The following DERPC variants were observed in gnomAD, a reference collection of about 807,000 sequenced individuals.
The protein encoded by DERPC is decreased expression in renal and prostate cancer protein.
DERPC carries 1 observed loss-of-function variant against 7.2 expected under a neutral mutation model. That is an observed-to-expected ratio of 0.14 (90% CI 0.05 to 0.66). DERPC has a LOEUF of 0.66. Ranked by LOEUF, DERPC falls within the 30% of genes least tolerant of loss-of-function variation. DERPC has a pLI of 0.84. For missense variants in DERPC, 502 were observed against 299.4 expected, an observed-to-expected ratio of 1.68 and a Z score of -4.99; for synonymous variants, 185 against 117.6, an observed-to-expected ratio of 1.57 and a Z score of -3.71.
Position 69,118,468 on chromosome 16 carries a change from T to C in DERPC, c.*386A>G. On this transcript the variant is annotated 3_prime_UTR_variant, in exon 3 of 3. Transcript: ENST00000519520. ...ACGTTTCTAGAGAGCAGTGAGCTGATTCTCCAATGGTGAGCAGGGGACTAC... is the reference window on the plus strand; with the variant it reads ...ACGTTTCTAGAGAGCAGTGAGCTGACTCTCCAATGGTGAGCAGGGGACTAC... 2 of 1,550,302 alleles carry C rather than the reference T, an allele frequency of 1.3e-6. No homozygotes were observed. The highest frequency in any genetic ancestry group is 1.1e-5 in the South Asian group (1 of 89,870).
intron 1 of DERPC, among the ~76,000 whole-genome samples, chr16:69,122,426 G>T (rs772772385): frequency 3.3e-5 from 5 of 150,266 alleles, no homozygotes; most frequent in Non-Finnish European, 5.9e-5. Context: ...AATCTGGAGC[G>T]CAGTGGCGCC....
At chr16:69,121,741 C>T (rs533951989) in intron 1 of DERPC, among the ~76,000 whole-genome samples, 16 of 150,988 alleles carry the variant, frequency 1.1e-4, no homozygotes, top group South Asian at 4.2e-4. Context: ...GATCTCAGCT[C>T]ACTGCAAGCT....
chr16:69,127,483 T>A (rs1022503381), intron 1 of DERPC, among the ~76,000 whole-genome samples: 1 of 152,068 alleles, frequency 6.6e-6, no homozygotes, highest in African/African-American at 2.4e-5. Flanking sequence ...TGTTCTAAGA[T>A]GGGGCTTGTT....
intron 1 of DERPC, among the ~76,000 whole-genome samples, chr16:69,121,976 T>G (rs12598101): frequency 6.6e-6 from 1 of 151,202 alleles, no homozygotes; most frequent in Admixed American, 6.6e-5. Context: ...GCCCTAGAGA[T>G]GGGGTTTCAC....
rs184266666 is a variant in DERPC at position 69,129,572 on chromosome 16, A to G, written c.-280+2912T>C. On this transcript the variant is annotated intron_variant, in intron 1 of 2. Coordinates refer to ENST00000519520, the MANE Select transcript of DERPC (RefSeq NM_001002847.4). ...TTTCACCCTGACACCCTATGCTTTT[A>G]GCAAGGTCTTCTCACTCCCATTTCA... Among the ~76,000 whole-genome samples, 174 of 152,230 alleles carry G rather than the reference A, an allele frequency of 1.1e-3. 1 individual carries two copies. Among genetic ancestry groups the G allele is most frequent in the Non-Finnish European group, 2.0e-3 (136 of 68,022 alleles).
At chr16:69,127,601 CTTTTTTTT>C (rs71383961) in intron 1 of DERPC, among the ~76,000 whole-genome samples, 7 of 104,392 alleles carry the variant, frequency 6.7e-5, no homozygotes, top group African/African-American at 1.5e-4. Context: ...CTCCCGGCAA[CTTTTTTTT>C]TTTTTTTTTT....
Position 69,118,802 on chromosome 16 carries a change from C to T in DERPC, c.*52G>A, listed in dbSNP as rs1381336054. 2 of 661,432 alleles carry T rather than the reference C, an allele frequency of 3.0e-6. No homozygotes were observed. The highest frequency in any genetic ancestry group is 1.8e-5 in the African/African-American group (1 of 55,984). 41.0% of individuals were successfully genotyped at this position (661,432 alleles called of 1,614,324 possible). ...ACCCTTTTACCTAAGACAGCCCCTGCCAAGAACCACAGTGCCTAGAAACCA... is the reference window on the plus strand; with the variant it reads ...ACCCTTTTACCTAAGACAGCCCCTGTCAAGAACCACAGTGCCTAGAAACCA... On this transcript the variant is annotated 3_prime_UTR_variant, in exon 3 of 3. Coordinates refer to ENST00000519520, the MANE Select transcript of DERPC (RefSeq NM_001002847.4).
At chr16:69,125,676 A>C (rs1962012126) in intron 1 of DERPC, among the ~76,000 whole-genome samples, 1 of 152,178 alleles carries the variant, frequency 6.6e-6, no homozygotes, top group African/African-American at 2.4e-5. Flanking sequence ...TCAGAACCCA[A>C]ACATTTCCAA....
Position 69,118,858 on chromosome 16 carries a change from G to C in DERPC, c.1571C>G (p.Pro524Arg). ...AAMYPNGMLP[P>R] is the part of the protein sequence containing the mutation. ...GTCCTGGAGGGAAAATGGTGTTTAA[G>C]GGGGCAACATTCCATTTGGGTACAT... Residue 524 changes from proline (P) to arginine (R), a missense_variant, in exon 3 of 3, where the codon CCT becomes CGT. Pro to Arg is a moderately radical substitution (Grantham distance 103). Coordinates refer to ENST00000519520, the MANE Select transcript of DERPC (RefSeq NM_001002847.4). 1 of 701,728 alleles carries C rather than the reference G, an allele frequency of 1.4e-6. No individual in the cohort carries two copies. Among genetic ancestry groups the C allele is most frequent in the South Asian group, 1.5e-5 (1 of 67,512 alleles). 43.5% of individuals were successfully genotyped at this position (701,728 alleles called of 1,614,324 possible). A position where few individuals can be genotyped will look rare whatever the true frequency, so the allele number is the denominator to read the frequency against.
At position 69,119,837 on chromosome 16, in the gene DERPC, G is replaced by A. The variant is rs944815112; in HGVS notation, c.592C>T (p.Pro198Ser). 2.9e-6 allele frequency: 2 copies of A among 701,160 alleles called. No individual in the cohort carries two copies. Among genetic ancestry groups the A allele is most frequent in the Non-Finnish European group, 5.2e-6 (2 of 384,990 alleles). 43.4% of individuals were successfully genotyped at this position (701,160 alleles called of 1,614,324 possible). The part of the protein sequence containing the change: ...GVLLTSGNGP[P>S]NPRPVGLGPG... Reference sequence around the variant, plus strand: ...CCCAGGCCAACTGGCCTAGGATTGGGAGGACCATTCCCAGAGGTTAACAGA... The same window carrying A: ...CCCAGGCCAACTGGCCTAGGATTGGAAGGACCATTCCCAGAGGTTAACAGA... The change falls in exon 3 of 3, where the codon CCC (proline) becomes TCC (serine). Residue 198 changes from proline to serine, a missense_variant. Physicochemically the swap from Pro to Ser is moderately conservative, Grantham distance 74. Coordinates refer to ENST00000519520, the MANE Select transcript of DERPC (RefSeq NM_001002847.4).
At chr16:69,124,568 C>T (rs913476702) in intron 1 of DERPC, among the ~76,000 whole-genome samples, 4 of 151,740 alleles carry the variant, frequency 2.6e-5, no homozygotes, top group East Asian at 1.9e-4. Context: ...GGATTACAGG[C>T]GCCCGCCACC....
intron 1 of DERPC, among the ~76,000 whole-genome samples, chr16:69,121,856 A>G (rs1379634184): frequency 6.6e-6 from 1 of 152,046 alleles, no homozygotes; most frequent in African/African-American, 2.4e-5. Flanking sequence ...TTTTTAGTAG[A>G]GATGGGGTTT....
At chr16:69,129,429 CA>C (rs11420871) in intron 1 of DERPC, among the ~76,000 whole-genome samples, 17,531 of 75,570 alleles carry the variant, frequency 0.23, 516 homozygotes, top group Middle Eastern at 0.35. Context: ...GACTCCGTCA[CA>C]AAAAAAAAAA....
In DERPC at chr16:69,119,632, CTTAAG is replaced by C. The variant is rs1255882849; in HGVS notation, c.792_796del (p.Asn264LysfsTer55). ...ATCGAGGCCTTGAGGTCCAGCCATT[CTTAAG>C]TTAAGACCAGATCCTGTGCCCAAGA... is the stretch of plus-strand genomic sequence containing the variant. On this transcript the variant is annotated frameshift_variant, in exon 3 of 3. Coordinates refer to ENST00000519520, the MANE Select transcript of DERPC (RefSeq NM_001002847.4). LOFTEE classifies it high-confidence loss of function. 1.3e-5 allele frequency: 9 copies of C among 689,436 alleles called. No individual in the cohort carries two copies. The highest frequency in any genetic ancestry group is 2.7e-5 in the East Asian group (1 of 37,066). 42.7% of individuals were successfully genotyped at this position (689,436 alleles called of 1,614,324 possible).
intron 1 of DERPC, among the ~76,000 whole-genome samples, chr16:69,130,609 G>T (rs1962427955): frequency 6.6e-6 from 1 of 152,078 alleles, no homozygotes; most frequent in Non-Finnish European, 1.5e-5. Context: ...CAATACACTG[G>T]GCATAAACAC....
At position 69,118,105 on chromosome 16, in the gene DERPC, T is replaced by A; in HGVS notation, c.*749A>T. ...GCACACCAGGCCGAACAAAGCACAGTGATTTCTTCCCTTCATCCCCCACCC... is the reference window on the plus strand; with the variant it reads ...GCACACCAGGCCGAACAAAGCACAGAGATTTCTTCCCTTCATCCCCCACCC... On this transcript the variant is annotated 3_prime_UTR_variant, in exon 3 of 3. Transcript: ENST00000519520. The A allele has an allele frequency of 1.9e-6, 1 of 527,834 alleles. No homozygotes were observed. Among genetic ancestry groups the A allele is most frequent in the Non-Finnish European group, 3.4e-6 (1 of 292,980 alleles). 32.7% of individuals were successfully genotyped at this position (527,834 alleles called of 1,614,324 possible). A position where few individuals can be genotyped will look rare whatever the true frequency, so the allele number is the denominator to read the frequency against.
intron 1 of DERPC, among the ~76,000 whole-genome samples, chr16:69,127,191 T>C (rs1962128014): frequency 6.6e-6 from 1 of 151,376 alleles, no homozygotes; most frequent in Admixed American, 6.6e-5. Flanking sequence ...TGAGCTGAGA[T>C]TGCGCCACCA....
At position 69,120,325 on chromosome 16, in the gene DERPC, C is replaced by A; in HGVS notation, c.104G>T (p.Gly35Val). The A allele has an allele frequency of 8.7e-7, 1 of 1,153,586 alleles. No individual in the cohort carries two copies. The highest frequency in any genetic ancestry group is 1.3e-6 in the Non-Finnish European group (1 of 770,410). 71.5% of individuals were successfully genotyped at this position (1,153,586 alleles called of 1,614,324 possible). ...TGGGTGGCCTGTGTTCAGAACAGGA[C>A]CCCCCTGTGGTCCCAGGGAACCGTC... Reference protein sequence around the residue: ...RLDGSLGPQGGPVLNTGHPLG... With the variant: ...RLDGSLGPQGVPVLNTGHPLG... The change falls in exon 3 of 3, where the codon GGT becomes GTT. Residue 35 changes from glycine (G) to valine (V), a missense_variant. Gly to Val is a moderately radical substitution (Grantham distance 109, BLOSUM62 -3). Transcript: ENST00000519520. This position sits in a 1 kb window ranked among gnomAD's most constrained non-coding sequence, Gnocchi z 4.0.
intron 1 of DERPC, among the ~76,000 whole-genome samples, chr16:69,125,250 T>C (rs1194823033): frequency 1.3e-5 from 2 of 152,118 alleles, no homozygotes; most frequent in Non-Finnish European, 2.9e-5. Flanking sequence ...AGCTAACATG[T>C]TTTGAATTTT....
Sources: gnomAD v4.1 joint callset for allele counts (sites outside exome capture counted in the v4.1 genomes callset) on GRCh38, gnomAD v4.1.1 for gene constraint, Gnocchi (gnomAD v3.1) non-coding constraint, MANE v1.5 for transcripts, NCBI Gene and HGNC (gene_info 2026-07-23, HGNC 2026-07-21) for gene names.